The following IL34 variants were observed in gnomAD, a reference collection of about 807,000 sequenced individuals.
IL34 encodes the protein interleukin 34.
IL34 carries 17 observed loss-of-function variants against 25.3 expected under a neutral mutation model. The ratio of observed to expected loss-of-function variants is 0.67; its 90% CI spans 0.46 to 1.01. IL34 has a LOEUF of 1.01. IL34 is among the 50% of genes least tolerant of loss of function. The probability of loss-of-function intolerance (pLI) is 0.00; values close to 1 mark genes in which losing one functional copy is unlikely to be tolerated. For missense variants in IL34, 368 were observed against 312.9 expected, an observed-to-expected ratio of 1.18 and a Z score of -1.33; for synonymous variants, 174 against 140.9, an observed-to-expected ratio of 1.23 and a Z score of -1.66.
chr16:70,595,271 T>C (rs2050805951), intron 1 of IL34, among the ~76,000 whole-genome samples: 1 of 151,866 alleles, frequency 6.6e-6, no homozygotes, highest in South Asian at 2.1e-4. Context: ...TGCATTTCAA[T>C]TTCTTAGTTC....
chr16:70,639,151 G>A (rs2051723476), intron 1 of IL34, among the ~76,000 whole-genome samples: 1 of 152,198 alleles, frequency 6.6e-6, no homozygotes, highest in African/African-American at 2.4e-5. Flanking sequence ...CTTTCCAGAT[G>A]TGGTGACATT....
chr16:70,638,712 C>T (rs201893902), intron 1 of IL34, among the ~76,000 whole-genome samples: 1 of 152,076 alleles, frequency 6.6e-6, no homozygotes, highest in Admixed American at 6.6e-5. Flanking sequence ...TCTTGAGTAC[C>T]TGGGACTGTG....
intron 2 of IL34, among the ~76,000 whole-genome samples, 191 bp from the exon 3 acceptor site, chr16:70,656,411 T>G (rs2052220202): frequency 6.6e-6 from 1 of 152,106 alleles, no homozygotes; most frequent in South Asian, 2.1e-4. Flanking sequence ...CCCACCTACT[T>G]GGGAGGCTGA....
At position 70,610,351 on chromosome 16, in the gene IL34, G is replaced by A. The variant is rs530077924; in HGVS notation, c.-401+30302G>A. ...AGTCTTGTGCCTGTTTTCCTCCAGC[G>A]TCTGGGAGTGCCGAGTGTTCAGTTG... On this transcript the variant is annotated intron_variant, in intron 1 of 6. Transcript: ENST00000429149. Among the ~76,000 whole-genome samples the A allele has an allele frequency of 3.2e-4, 49 of 152,254 alleles. 1 individual carries two copies. The highest frequency in any genetic ancestry group is 2.7e-3 in the South Asian group (13 of 4,822).
chr16:70,624,611 A>C lies in IL34; in HGVS notation c.-400-21937A>C, dbSNP rs572837344. 1.6e-4 allele frequency among the ~76,000 whole-genome samples: 25 copies of C among 152,274 alleles called. 1 individual carries two copies. In the South Asian group the frequency reaches 1.9e-3, roughly 11 times the overall value. The stretch of plus-strand genomic sequence containing the variant: ...TTTATATTTGATGAAAAAGAGCCTA[A>C]ACGCTATCTGATTTGGGATAAAGAA... On this transcript the variant is annotated intron_variant, in intron 1 of 6. Transcript: ENST00000429149.
chr16:70,657,346 T>C, intron 4 of IL34: 1 of 551,870 alleles, frequency 1.8e-6, no homozygotes, highest in South Asian at 2.1e-5. Flanking sequence ...GTGCAGGCGA[T>C]GCCTCTGAGA....
chr16:70,651,386 T>A (rs1038498587), intron 1 of IL34, among the ~76,000 whole-genome samples: 1 of 152,170 alleles, frequency 6.6e-6, no homozygotes, highest in African/African-American at 2.4e-5. Context: ...GTTTATCTGT[T>A]CTTCTCACCC....
chr16:70,639,624 A>G (rs117012736), intron 1 of IL34, among the ~76,000 whole-genome samples: 2 of 93,464 alleles, frequency 2.1e-5, no homozygotes, highest in African/African-American at 3.5e-5. Flanking sequence ...GAAGGGCTTG[A>G]GCTTGACCCT....
intron 1 of IL34, among the ~76,000 whole-genome samples, chr16:70,612,567 T>C (rs1408600496): frequency 2.0e-5 from 3 of 152,236 alleles, no homozygotes; most frequent in Non-Finnish European, 4.4e-5. Context: ...GTGTGAAAGA[T>C]TGTCAGCTCA....
chr16:70,627,439 C>G (rs944626998), intron 1 of IL34, among the ~76,000 whole-genome samples: 1 of 143,708 alleles, frequency 7.0e-6, no homozygotes, highest in Non-Finnish European at 1.5e-5. Context: ...CTCCCCTCCC[C>G]CTCCGCTCCC....
At chr16:70,631,397 A>G (rs2051514384) in intron 1 of IL34, among the ~76,000 whole-genome samples, 1 of 139,042 alleles carries the variant, frequency 7.2e-6, no homozygotes, top group South Asian at 2.7e-4. Context: ...GGGTTTTCCC[A>G]TGGAGTTAGA....
intron 1 of IL34, among the ~76,000 whole-genome samples, chr16:70,619,765 CAGAG>C (rs1250464693): frequency 6.6e-6 from 1 of 152,088 alleles, no homozygotes; most frequent in East Asian, 1.9e-4. Context: ...AGGAGTCAGT[CAGAG>C]AGCCTTGGGC....
intron 1 of IL34, among the ~76,000 whole-genome samples, chr16:70,627,562 G>T (rs1478312111): frequency 2.0e-5 from 3 of 151,666 alleles, no homozygotes; most frequent in African/African-American, 7.3e-5. Flanking sequence ...GCTCACTGCA[G>T]CCTCTGTCTC....
Position 70,615,246 on chromosome 16 carries a change from C to T in IL34, c.-400-31302C>T, listed in dbSNP as rs139122073. On this transcript the variant is annotated intron_variant, in intron 1 of 6. Transcript: ENST00000429149. ...TACACTGGCCAGGTGTGGTGGCTCA[C>T]GCCTGTAATCCCAGCACTTTGGGAG... is the stretch of plus-strand genomic sequence containing the variant. 5.6e-3 allele frequency among the ~76,000 whole-genome samples: 859 copies of T among 152,276 alleles called. 43 individuals are homozygous for T. Among genetic ancestry groups the T allele is most frequent in the Admixed American group, 0.052 (799 of 15,284 alleles).
intron 1 of IL34, among the ~76,000 whole-genome samples, chr16:70,580,496 T>C (rs552037478): frequency 1.3e-4 from 20 of 152,362 alleles, no homozygotes; most frequent in Non-Finnish European, 1.0e-4. Flanking sequence ...ATTAATTGAC[T>C]TGGCCAGGCG....
Position 70,657,074 on chromosome 16 carries a change from C to T in IL34, c.355C>T (p.Leu119=). ...CGAGGGCCACCCATCCTGGAAGTACCTGCAGGAGGTGGAGACGCTGCTGCT... is the reference window on the plus strand; with the variant it reads ...CGAGGGCCACCCATCCTGGAAGTACTTGCAGGAGGTGGAGACGCTGCTGCT... ...LLEGHPSWKY[L]QEVETLLLNV... is the part of the protein sequence containing the mutation. The change falls in exon 4 of 6, where the codon CTG becomes TTG. Residue 119 remains leucine, a synonymous_variant. Coordinates refer to ENST00000288098, the MANE Select transcript of IL34 (RefSeq NM_001393494.1). 1 of 1,613,234 alleles carries T rather than the reference C, an allele frequency of 6.2e-7. No homozygotes were observed. The highest frequency in any genetic ancestry group is 1.1e-5 in the South Asian group (1 of 91,024).
At chr16:70,611,883 C>G (rs2051096486) in intron 1 of IL34, among the ~76,000 whole-genome samples, 1 of 152,068 alleles carries the variant, frequency 6.6e-6, no homozygotes, top group Non-Finnish European at 1.5e-5. Flanking sequence ...GATGTGGTGA[C>G]AAACACCTGT....
intron 1 of IL34, among the ~76,000 whole-genome samples, chr16:70,624,728 G>T (rs548468761): frequency 5.1e-4 from 78 of 152,062 alleles, no homozygotes; most frequent in African/African-American, 1.7e-3. Flanking sequence ...GTCACTGAAC[G>T]AAACTATAAG....
intron 1 of IL34, among the ~76,000 whole-genome samples, chr16:70,616,961 G>A (rs1258469788): frequency 6.6e-6 from 1 of 152,066 alleles, no homozygotes; most frequent in Non-Finnish European, 1.5e-5. Flanking sequence ...TAGTGTTGAA[G>A]TCCTGGGGCG....
Sources: gnomAD v4.1 joint callset for allele counts (sites outside exome capture counted in the v4.1 genomes callset) on GRCh38, gnomAD v4.1.1 for gene constraint, MANE v1.5 for transcripts, NCBI Gene and HGNC (gene_info 2026-07-23, HGNC 2026-07-21) for gene names.